RBFOX1: variants seen among roughly 807,000 people sequenced by gnomAD.
The protein encoded by RBFOX1 is RNA binding protein fox-1 homolog 1.
A neutral mutation model predicts 57.7 loss-of-function variants in RBFOX1; 8 were observed. The observed-to-expected ratio is 0.14, with a 90% CI of 0.08 to 0.25. RBFOX1 has a LOEUF of 0.25. Ranked by LOEUF, RBFOX1 falls within the 10% of genes least tolerant of loss-of-function variation. The pLI is 1.00. For synonymous variants in RBFOX1, 326 were observed against 222.4 expected (o/e 1.47, Z -4.15); for missense variants, 611 against 548.5 (o/e 1.11, Z -1.14).
In RBFOX1 at chr16:5,677,255, T is replaced by A. The variant is rs142314617; in HGVS notation, c.318+78294T>A. 8.5e-5 allele frequency among the ~76,000 whole-genome samples: 13 copies of A among 152,330 alleles called. No homozygotes were observed. The East Asian group carries it at 2.5e-3, about 29-fold the overall frequency. On this transcript the variant is annotated intron_variant, in intron 3 of 19. Transcript: ENST00000641259. ...CTGTTGAGTATCACTAGAGAATAGGTAGTTCTGCAAAGAATATGTCCTCCT... is the reference window on the plus strand; with the variant it reads ...CTGTTGAGTATCACTAGAGAATAGGAAGTTCTGCAAAGAATATGTCCTCCT...
intron 3 of RBFOX1, among the ~76,000 whole-genome samples, chr16:7,040,759 G>A (rs34505826): frequency 0.15 from 22,100 of 152,070 alleles, 3,023 homozygotes; most frequent in African/African-American, 0.34. Context: ...GTTTTATTTT[G>A]TCATAGACAT....
chr16:6,920,395 T>C (rs537283685), intron 3 of RBFOX1, among the ~76,000 whole-genome samples: 4 of 152,274 alleles, frequency 2.6e-5, no homozygotes, highest in African/African-American at 9.6e-5. Flanking sequence ...CAGAGTCCTT[T>C]CTACTGTTTC....
intron 2 of RBFOX1, among the ~76,000 whole-genome samples, chr16:6,438,389 G>C (rs898570351): frequency 3.3e-5 from 5 of 152,066 alleles, no homozygotes; most frequent in Admixed American, 2.0e-4. Context: ...TGGTGGAGTT[G>C]GACTCACACC....
At chr16:7,386,340 G>A (rs1049870957) in intron 4 of RBFOX1, among the ~76,000 whole-genome samples, 45 of 151,950 alleles carry the variant, frequency 3.0e-4, no homozygotes, top group Admixed American at 9.2e-4. Context: ...CCATCACCCC[G>A]TCATCTACAT....
chr16:6,616,027 C>T (rs887415508), intron 2 of RBFOX1, among the ~76,000 whole-genome samples: 10 of 152,188 alleles, frequency 6.6e-5, no homozygotes, highest in African/African-American at 2.4e-4. Context: ...GGACACTGCC[C>T]AGTTTTGCGT....
At chr16:5,827,463 A>C (rs535986583) in intron 3 of RBFOX1, among the ~76,000 whole-genome samples, 26 of 151,784 alleles carry the variant, frequency 1.7e-4, no homozygotes, top group African/African-American at 6.3e-4. Context: ...TTCTACTTCT[A>C]CACAGTAGTT....
At chr16:5,449,901 C>G (rs905347337) in intron 1 of RBFOX1, among the ~76,000 whole-genome samples, 2 of 152,216 alleles carry the variant, frequency 1.3e-5, no homozygotes, top group African/African-American at 4.8e-5. Flanking sequence ...AGCCACTGCA[C>G]CCAGCCCACC....
intron 4 of RBFOX1, among the ~76,000 whole-genome samples, chr16:7,415,688 G>A (rs2098471282): frequency 1.3e-5 from 2 of 152,148 alleles, no homozygotes; most frequent in South Asian, 4.1e-4. Flanking sequence ...AGAAGCACTA[G>A]TTGAATTCCA....
chr16:5,665,136 G>GGGT (rs1364929993), intron 3 of RBFOX1, among the ~76,000 whole-genome samples: 1 of 142,436 alleles, frequency 7.0e-6, no homozygotes, highest in Non-Finnish European at 1.6e-5. Context: ...TTACATGGGG[G>GGGT]GGGGCGGTCT....
chr16:7,031,828 A>G (rs767317109), intron 3 of RBFOX1, among the ~76,000 whole-genome samples: 17 of 152,180 alleles, frequency 1.1e-4, no homozygotes, highest in Admixed American at 1.3e-4. Flanking sequence ...ATGTAAGCCA[A>G]CGTGGTCCTT....
chr16:7,164,427 C>T (rs1024043150), intron 4 of RBFOX1, among the ~76,000 whole-genome samples: 2 of 152,256 alleles, frequency 1.3e-5, no homozygotes, highest in South Asian at 2.1e-4. Flanking sequence ...TATAAACATA[C>T]GTCTACAAGT....
At chr16:5,790,772 C>T (rs1179663595) in intron 3 of RBFOX1, among the ~76,000 whole-genome samples, 1 of 152,040 alleles carries the variant, frequency 6.6e-6, no homozygotes, top group South Asian at 2.1e-4. Context: ...TCGTCTTCCT[C>T]ATTTGGCCTT....
At chr16:6,119,686 C>A (rs1262975180) in intron 1 of RBFOX1, among the ~76,000 whole-genome samples, 1 of 152,086 alleles carries the variant, frequency 6.6e-6, no homozygotes, top group East Asian at 1.9e-4. Context: ...ATTTTTGTGG[C>A]TCAAATCATT....
chr16:5,690,482 C>T (rs565129708), intron 3 of RBFOX1, among the ~76,000 whole-genome samples: 10 of 152,074 alleles, frequency 6.6e-5, no homozygotes, highest in African/African-American at 9.7e-5. Context: ...AAATACTGCC[C>T]GTAACGCTCT....
intron 3 of RBFOX1, among the ~76,000 whole-genome samples, chr16:6,661,042 C>T (rs533280501): frequency 2.8e-4 from 42 of 152,112 alleles, no homozygotes; most frequent in Non-Finnish European, 4.0e-4. Context: ...TGTACTGCAG[C>T]GACCTGGAAG....
intron 1 of RBFOX1, among the ~76,000 whole-genome samples, chr16:6,029,772 CAAAAAAAAAAA>C (rs57851398): frequency 2.0e-5 from 2 of 102,348 alleles, no homozygotes; most frequent in Admixed American, 2.4e-4. Flanking sequence ...GACTCCGTCT[CAAAAAAAAAAA>C]AAAAAAAAGG....
intron 4 of RBFOX1, among the ~76,000 whole-genome samples, chr16:7,469,845 C>T (rs117380396): frequency 2.6e-5 from 4 of 152,284 alleles, no homozygotes; most frequent in Non-Finnish European, 5.9e-5. Flanking sequence ...TTCATCCGTC[C>T]TGCTCGCAGC....
intron 4 of RBFOX1, among the ~76,000 whole-genome samples, chr16:7,100,554 T>C (rs1008905431): frequency 1.4e-5 from 2 of 143,178 alleles, no homozygotes; most frequent in Non-Finnish European, 3.0e-5. Flanking sequence ...AAACATGGGT[T>C]TTTAAAGGTT....
chr16:5,686,319 G>A (rs1216326437), intron 3 of RBFOX1, among the ~76,000 whole-genome samples: 2 of 152,182 alleles, frequency 1.3e-5, no homozygotes, highest in Non-Finnish European at 2.9e-5. Flanking sequence ...TTTGTTTAAG[G>A]TCTAGAAATC....
Sources: allele counts gnomAD v4.1 joint callset (sites outside exome capture counted in the v4.1 genomes callset), GRCh38; gene constraint gnomAD v4.1.1; transcripts MANE v1.5; gene names NCBI Gene and HGNC (gene_info 2026-07-23, HGNC 2026-07-21).